ZC3HAV1: variants seen among roughly 807,000 people sequenced by gnomAD.
ZC3HAV1 encodes the protein zinc finger CCCH-type antiviral protein 1.
ZC3HAV1 carries 41 observed loss-of-function variants against 86.6 expected under a neutral mutation model. The ratio of observed to expected loss-of-function variants is 0.47; its 90% CI spans 0.37 to 0.61. ZC3HAV1 has a LOEUF of 0.61. Among genes scored for constraint, ZC3HAV1 ranks in the 20% least tolerant of loss-of-function variants. The pLI, the probability that ZC3HAV1 is intolerant of heterozygous loss-of-function variation, is 0.00. For missense variants in ZC3HAV1, 964 were observed against 1,141.1 expected, an observed-to-expected ratio of 0.84 and a Z score of 2.24; for synonymous variants, 421 against 432.1, an observed-to-expected ratio of 0.97 and a Z score of 0.32.
intron 1 of ZC3HAV1, among the ~76,000 whole-genome samples, chr7:139,107,795 C>A (rs1437316364): frequency 6.6e-6 from 1 of 152,158 alleles, no homozygotes; most frequent in Non-Finnish European, 1.5e-5. Flanking sequence ...TTGCTGACAA[C>A]CATTTTAAAC....
intron 2 of ZC3HAV1, among the ~76,000 whole-genome samples, chr7:139,087,664 AAC>A (rs1278530073): frequency 6.6e-6 from 1 of 152,116 alleles, no homozygotes; most frequent in Admixed American, 6.5e-5. Context: ...TTCTTAGGGA[AAC>A]ACACTGAGTT....
chr7:139,085,540 G>A (rs956618184), intron 2 of ZC3HAV1, among the ~76,000 whole-genome samples: 19 of 152,196 alleles, frequency 1.2e-4, no homozygotes, highest in African/African-American at 4.6e-4. Context: ...ACTTGCAGGT[G>A]CTTTTAAATG....
chr7:139,095,614 C>T (rs904686283), intron 1 of ZC3HAV1, among the ~76,000 whole-genome samples: 1 of 152,178 alleles, frequency 6.6e-6, no homozygotes, highest in Non-Finnish European at 1.5e-5. Flanking sequence ...GGAGGCTGGG[C>T]CCGCTGAGGA....
intron 8 of ZC3HAV1, among the ~76,000 whole-genome samples, chr7:139,063,614 G>T (rs747032738): frequency 6.6e-6 from 1 of 150,546 alleles, no homozygotes; most frequent in Non-Finnish European, 1.5e-5. Flanking sequence ...CTCCCAGTTA[G>T]TTGGGAGGCT....
intron 1 of ZC3HAV1, among the ~76,000 whole-genome samples, chr7:139,097,729 C>T (rs1327553333): frequency 6.6e-6 from 1 of 151,632 alleles, no homozygotes; most frequent in African/African-American, 2.4e-5. Flanking sequence ...CCACCAAGCC[C>T]GGCCGGAACT....
intron 5 of ZC3HAV1, among the ~76,000 whole-genome samples, chr7:139,077,012 G>GT (rs77140425): frequency 0.29 from 43,720 of 151,826 alleles, 7,464 homozygotes; most frequent in African/African-American, 0.44. Context: ...CCCCCCAAGT[G>GT]TATGAAGCCA....
intron 9 of ZC3HAV1, among the ~76,000 whole-genome samples, chr7:139,057,594 A>T (rs1348937143): frequency 5.3e-5 from 1 of 18,894 alleles, no homozygotes; most frequent in Non-Finnish European, 8.8e-5. Flanking sequence ...GCTGGAGTGC[A>T]GTGGCGCGAT....
intron 10 of ZC3HAV1, among the ~76,000 whole-genome samples, chr7:139,054,990 G>A (rs947314532): frequency 5.3e-5 from 8 of 152,052 alleles, no homozygotes; most frequent in African/African-American, 1.9e-4. Flanking sequence ...GGGTTTCACC[G>A]TGTTGTCCAG....
In ZC3HAV1 at chr7:139,053,975, T is replaced by C. The variant is rs752678086; in HGVS notation, c.2308A>G (p.Lys770Glu). 1.9e-6 allele frequency: 3 copies of C among 1,604,034 alleles called. No individual in the cohort carries two copies. The highest frequency in any genetic ancestry group is 2.5e-6 in the Non-Finnish European group (3 of 1,177,786). Residue 770 changes from lysine to glutamate, a missense_variant, in exon 11 of 13, where the codon AAA becomes GAA. Transcript: ENST00000242351. ...AACGTGGCCACCAACCATGTAAATT[T>C]ATCCAGGAGCTCTGAGTTCTCGATC... ...KKIENSELLD[K>E]FTWKKSQMKE... is the part of the protein sequence containing the mutation.
chr7:139,064,432 G>A (rs1434869046), intron 8 of ZC3HAV1, among the ~76,000 whole-genome samples: 2 of 152,174 alleles, frequency 1.3e-5, no homozygotes, highest in Non-Finnish European at 2.9e-5. Flanking sequence ...TGTGATGATG[G>A]AACTACTGAC....
chr7:139,099,626 A>C (rs932136691), intron 1 of ZC3HAV1, among the ~76,000 whole-genome samples: 1 of 152,234 alleles, frequency 6.6e-6, no homozygotes, highest in Non-Finnish European at 1.5e-5. Context: ...TAACAGTTGC[A>C]CAACATCATG....
chr7:139,047,957 C>T, intron 12 of ZC3HAV1, 104 bp from the exon 13 acceptor site: 6 of 1,149,518 alleles, frequency 5.2e-6, no homozygotes, highest in Non-Finnish European at 7.3e-6. Flanking sequence ...AAGCATATGT[C>T]AATAATACCT....
chr7:139,082,362 G>A (rs887076771), intron 3 of ZC3HAV1, among the ~76,000 whole-genome samples: 5 of 151,832 alleles, frequency 3.3e-5, no homozygotes, highest in Non-Finnish European at 7.4e-5. Flanking sequence ...AATGATAGAG[G>A]ATGTGAGAAA....
At chr7:139,095,758 C>G (rs1817567380) in intron 1 of ZC3HAV1, among the ~76,000 whole-genome samples, 2 of 152,188 alleles carry the variant, frequency 1.3e-5, no homozygotes, top group Admixed American at 1.3e-4. Context: ...CTTCTCTAGT[C>G]CCCTAAGTTC....
At chr7:139,071,595 A>G (rs1584852146) in intron 7 of ZC3HAV1, among the ~76,000 whole-genome samples, 1 of 152,208 alleles carries the variant, frequency 6.6e-6, no homozygotes, top group East Asian at 1.9e-4. Flanking sequence ...CTTATTTGAC[A>G]TCATCCTTGG....
At chr7:139,057,646 C>T (rs1352209361) in intron 9 of ZC3HAV1, among the ~76,000 whole-genome samples, 1 of 71,370 alleles carries the variant, frequency 1.4e-5, no homozygotes, top group Non-Finnish European at 2.6e-5. Context: ...TCACGCCATT[C>T]TCCTGCCTCA....
chr7:139,092,017 A>C lies in ZC3HAV1; in HGVS notation c.309-2258T>G, dbSNP rs182379374. On this transcript the variant is annotated intron_variant, in intron 1 of 12. Coordinates refer to ENST00000242351, the MANE Select transcript of ZC3HAV1 (RefSeq NM_020119.4). ...ATTTTCTTTTATACTTTGGTTTAGA[A>C]AGGGGAGGGGGGGTCTAGTTAAAAC... Among the ~76,000 whole-genome samples, 180 of 152,228 alleles carry C rather than the reference A, an allele frequency of 1.2e-3. 2 individuals carry two copies. The highest frequency in any genetic ancestry group is 3.9e-3 in the African/African-American group (164 of 41,546).
intron 1 of ZC3HAV1, among the ~76,000 whole-genome samples, chr7:139,103,306 T>C (rs903155714): frequency 2.6e-5 from 4 of 151,696 alleles, no homozygotes; most frequent in African/African-American, 9.7e-5. Flanking sequence ...GGTCTCACTA[T>C]GTTGTCCAGG....
chr7:139,107,395 A>T (rs111382247), intron 1 of ZC3HAV1, among the ~76,000 whole-genome samples: 98 of 152,358 alleles, frequency 6.4e-4, no homozygotes, highest in Admixed American at 1.2e-3. Context: ...AGAAATTTTT[A>T]AAAAAATACA....
Sources: gnomAD v4.1 joint callset for allele counts (sites outside exome capture counted in the v4.1 genomes callset) on GRCh38, gnomAD v4.1.1 for gene constraint, MANE v1.5 for transcripts, NCBI Gene and HGNC (gene_info 2026-07-23, HGNC 2026-07-21) for gene names.